TTC27: variants seen among roughly 807,000 people sequenced by gnomAD.
TTC27 encodes tetratricopeptide repeat domain 27.
Under a neutral mutation model 115.9 loss-of-function variants are expected in TTC27, and 79 were observed. The ratio of observed to expected loss-of-function variants is 0.68; its 90% CI spans 0.57 to 0.82. The LOEUF (loss-of-function observed/expected upper bound fraction) is 0.82. Ranked by LOEUF, TTC27 falls within the 40% of genes least tolerant of loss-of-function variation. The pLI is 0.00. For missense variants in TTC27, 1,054 were observed against 993.1 expected (o/e 1.06, Z -0.82); for synonymous variants, 401 against 356.0 (o/e 1.13, Z -1.42).
At chr2:32,734,720 C>G (rs1668396694) in intron 11 of TTC27, among the ~76,000 whole-genome samples, 1 of 152,126 alleles carries the variant, frequency 6.6e-6, no homozygotes, top group Non-Finnish European at 1.5e-5. Context: ...AATTAGTTTT[C>G]TGGTGTTGAT....
chr2:32,816,892 TG>T (rs1671517423), intron 18 of TTC27, among the ~76,000 whole-genome samples: 1 of 152,222 alleles, frequency 6.6e-6, no homozygotes, highest in Non-Finnish European at 1.5e-5. Flanking sequence ...AAAGATGTGC[TG>T]CATCTGTTTT....
At position 32,757,552 on chromosome 2, in the gene TTC27, C is replaced by T. The variant is rs142185940; in HGVS notation, c.1453-740C>T. ...GTGACAACCCTGTGTCAAACAAGTC[C>T]GTCAGCACCATTTTTCCAACCACAT... On this transcript the variant is annotated intron_variant, in intron 12 of 19. Transcript: ENST00000317907. Among the ~76,000 whole-genome samples, 125 of 152,302 alleles carry T rather than the reference C, an allele frequency of 8.2e-4. 1 individual carries two copies. The East Asian group carries it at 0.02, about 25-fold the overall frequency.
At chr2:32,723,457 A>G (rs1667990186) in intron 10 of TTC27, among the ~76,000 whole-genome samples, 2 of 152,060 alleles carry the variant, frequency 1.3e-5, no homozygotes, top group Non-Finnish European at 2.9e-5. Flanking sequence ...TAGCATCTCC[A>G]GATGTTTTTC....
At chr2:32,672,032 G>T (rs2295729) in intron 7 of TTC27, among the ~76,000 whole-genome samples, 2 of 152,126 alleles carry the variant, frequency 1.3e-5, no homozygotes, top group African/African-American at 4.8e-5. Context: ...GGCTCAATCA[G>T]TGATAGCTGT....
chr2:32,696,358 C>T (rs757469286), intron 9 of TTC27, among the ~76,000 whole-genome samples: 6 of 151,390 alleles, frequency 4.0e-5, no homozygotes, highest in South Asian at 2.1e-4. Context: ...GGTGCAATCT[C>T]GGCTCACTGC....
In TTC27 at chr2:32,811,102, A is replaced by G. The variant is rs1169728637; in HGVS notation, c.2077A>G (p.Lys693Glu). 6.2e-7 allele frequency: 1 copy of G among 1,614,074 alleles called. No individual in the cohort carries two copies. ...SGDVATGLKG[K>E]LQELFGRVTS... is the part of the protein sequence containing the mutation. ...AGATGTTGCAACTGGCCTCAAAGGA[A>G]AGCTGCAGGAGTTATTTGGCAGAGT... The change falls in exon 17 of 20, where the codon AAG becomes GAG. Residue 693 changes from lysine (K) to glutamate (E), a missense_variant. By Grantham distance (56) the Lys-to-Glu change is moderately conservative. Transcript: ENST00000317907.
At chr2:32,811,852 C>T (rs557539062) in intron 17 of TTC27, among the ~76,000 whole-genome samples, 4 of 152,280 alleles carry the variant, frequency 2.6e-5, no homozygotes, top group East Asian at 1.9e-4. Context: ...ATCAAATGTA[C>T]TCCTTGCGTG....
At chr2:32,820,707 TGTATA>T in intron 19 of TTC27, 104 bp from the exon 20 acceptor site, 1 of 978,478 alleles carries the variant, frequency 1.0e-6, no homozygotes, top group African/African-American at 1.7e-5. Flanking sequence ...CTATTATAAT[TGTATA>T]GTATTATTAT....
chr2:32,785,094 G>T (rs1412410070), intron 15 of TTC27, among the ~76,000 whole-genome samples: 1 of 152,102 alleles, frequency 6.6e-6, no homozygotes, highest in African/African-American at 2.4e-5. Flanking sequence ...ACTCTTGAGT[G>T]GTAAGTTTAG....
In TTC27 at chr2:32,678,888, C is replaced by T; in HGVS notation, c.1085C>T (p.Thr362Ile). The T allele has an allele frequency of 6.2e-7, 1 of 1,613,462 alleles. No individual in the cohort carries two copies. The highest frequency in any genetic ancestry group is 8.5e-7 in the Non-Finnish European group (1 of 1,179,646). The part of the protein sequence containing the change: ...TNFQKNNPVH[T>I]LTEVELLAFT... ...TTTCAAAAGAATAACCCAGTGCACACATTAACTGAAGTGGAGCTTCTGGCA... is the reference window on the plus strand; with the variant it reads ...TTTCAAAAGAATAACCCAGTGCACATATTAACTGAAGTGGAGCTTCTGGCA... Residue 362 changes from threonine (T) to isoleucine (I), a missense_variant, in exon 9 of 20, where the codon ACA becomes ATA. Physicochemically the swap from Thr to Ile is moderately conservative, Grantham distance 89 (BLOSUM62 -1). Transcript: ENST00000317907.
intron 5 of TTC27, among the ~76,000 whole-genome samples, chr2:32,662,389 G>C (rs764234291): frequency 2.0e-5 from 3 of 151,800 alleles, no homozygotes; most frequent in Non-Finnish European, 4.4e-5. Flanking sequence ...CTGTGAATCT[G>C]TCTGGTCCTG....
At chr2:32,706,811 G>T (rs1387136263) in intron 10 of TTC27, among the ~76,000 whole-genome samples, 2 of 152,020 alleles carry the variant, frequency 1.3e-5, no homozygotes, top group East Asian at 3.9e-4. Context: ...TGATCCACCT[G>T]CCTCGACCTC....
intron 4 of TTC27, among the ~76,000 whole-genome samples, chr2:32,643,820 A>G (rs1664745147): frequency 6.6e-6 from 1 of 151,772 alleles, no homozygotes; most frequent in South Asian, 2.1e-4. Context: ...GGATCACCTG[A>G]GGTCAGGAGT....
intron 16 of TTC27, among the ~76,000 whole-genome samples, chr2:32,800,901 G>A (rs576932309): frequency 6.6e-6 from 1 of 151,950 alleles, no homozygotes; most frequent in Non-Finnish European, 1.5e-5. Context: ...ATTTTTATTC[G>A]CTTGGTGATG....
At chr2:32,665,193 C>T (rs1282248308) in intron 6 of TTC27, among the ~76,000 whole-genome samples, 1 of 151,988 alleles carries the variant, frequency 6.6e-6, no homozygotes, top group Non-Finnish European at 1.5e-5. Context: ...TAAAATCCTT[C>T]CAATATATTA....
chr2:32,708,301 C>CTTGTTT (rs1434123436), intron 10 of TTC27, among the ~76,000 whole-genome samples: 1 of 80,260 alleles, frequency 1.2e-5, no homozygotes, highest in Non-Finnish European at 2.5e-5. Context: ...TTTTCTCTAC[C>CTTGTTT]TTGTTTTTTT....
At chr2:32,708,837 C>CT (rs1383434823) in intron 10 of TTC27, among the ~76,000 whole-genome samples, 1 of 152,230 alleles carries the variant, frequency 6.6e-6, no homozygotes, top group Non-Finnish European at 1.5e-5. Flanking sequence ...ACCCATGACT[C>CT]TATCTGCTCC....
At chr2:32,712,159 C>G (rs112276367) in intron 10 of TTC27, among the ~76,000 whole-genome samples, 8 of 152,164 alleles carry the variant, frequency 5.3e-5, no homozygotes, top group African/African-American at 1.9e-4. Flanking sequence ...TAAGGAATGG[C>G]AGATTTGGAA....
chr2:32,811,092 C>T lies in TTC27; in HGVS notation c.2067C>T (p.Gly689=). Residue 689 remains glycine (G), a synonymous_variant, in exon 17 of 20, where the codon GGC becomes GGT. Transcript: ENST00000317907. ...ATCGAAGTGGAGATGTTGCAACTGG[C>T]CTCAAAGGAAAGCTGCAGGAGTTAT... is the stretch of plus-strand genomic sequence containing the variant. The part of the protein sequence containing the change: ...MTDRSGDVAT[G]LKGKLQELFG... The T allele has an allele frequency of 1.9e-6, 3 of 1,614,090 alleles. No homozygotes were observed. The highest frequency in any genetic ancestry group is 2.5e-6 in the Non-Finnish European group (3 of 1,180,016).
Sources: gnomAD v4.1 joint callset for allele counts (sites outside exome capture counted in the v4.1 genomes callset) on GRCh38, gnomAD v4.1.1 for gene constraint, MANE v1.5 for transcripts, NCBI Gene and HGNC (gene_info 2026-07-23, HGNC 2026-07-21) for gene names.